Variants in CHN1 observed in about 807,000 individuals in gnomAD.
CHN1 encodes chimerin 1.
CHN1 carries 37 observed loss-of-function variants against 59.5 expected under a neutral mutation model. The observed-to-expected ratio is 0.62, with a 90% confidence interval of 0.48 to 0.82. The LOEUF (loss-of-function observed/expected upper bound fraction) is 0.82, where lower values mean the gene tolerates loss of function less well. Ranked by LOEUF, CHN1 falls within the 40% of genes least tolerant of loss-of-function variation. The pLI, the probability that CHN1 is intolerant of heterozygous loss-of-function variation, is 0.00. For missense variants in CHN1, 469 were observed against 571.0 expected, an observed-to-expected ratio of 0.82 and a Z score of 1.82; for synonymous variants, 206 against 200.4, an observed-to-expected ratio of 1.03 and a Z score of -0.24.
chr2:174,971,179 A>G (rs985208029), intron 1 of CHN1, among the ~76,000 whole-genome samples: 4 of 152,086 alleles, frequency 2.6e-5, no homozygotes, highest in African/African-American at 9.7e-5. Context: ...TAAGCCGAGC[A>G]TGGTGGTGGG....
chr2:174,820,962 C>G (rs892216672), intron 8 of CHN1, among the ~76,000 whole-genome samples: 2 of 152,116 alleles, frequency 1.3e-5, no homozygotes, highest in Admixed American at 1.3e-4. Flanking sequence ...GAAGGCAGAA[C>G]AAAGCAAGCT....
intron 5 of CHN1, among the ~76,000 whole-genome samples, chr2:174,914,360 G>A (rs1332663732): frequency 6.6e-6 from 1 of 152,180 alleles, no homozygotes; most frequent in Admixed American, 6.5e-5. Context: ...AGAGCCAAGA[G>A]CTCCCAAGAA....
intron 1 of CHN1, among the ~76,000 whole-genome samples, chr2:174,997,246 G>T (rs1005446339): frequency 2.0e-5 from 3 of 152,022 alleles, no homozygotes; most frequent in African/African-American, 7.2e-5. Flanking sequence ...TCACTTAACG[G>T]TATCATCCAT....
intron 1 of CHN1, among the ~76,000 whole-genome samples, chr2:174,969,115 C>A (rs1690678282): frequency 6.6e-6 from 1 of 152,136 alleles, no homozygotes; most frequent in Admixed American, 6.5e-5. Context: ...ACAAATCTGT[C>A]CCAAGGGTTT....
chr2:175,004,172 G>A (rs546118371), intron 1 of CHN1, among the ~76,000 whole-genome samples: 1 of 152,252 alleles, frequency 6.6e-6, no homozygotes, highest in Non-Finnish European at 1.5e-5. Flanking sequence ...TATCTTTTCA[G>A]TCCTTTTTCC....
chr2:174,897,224 A>G (rs1170275875), intron 5 of CHN1, among the ~76,000 whole-genome samples: 2 of 152,198 alleles, frequency 1.3e-5, no homozygotes, highest in East Asian at 3.8e-4. Flanking sequence ...TTCCTGAATT[A>G]AGCAATATCT....
At chr2:174,836,287 T>C (rs1343125425) in intron 7 of CHN1, among the ~76,000 whole-genome samples, 3 of 152,210 alleles carry the variant, frequency 2.0e-5, no homozygotes, top group African/African-American at 7.2e-5. Context: ...GTGGTTTTTA[T>C]ATACTTTTTC....
intron 7 of CHN1, among the ~76,000 whole-genome samples, chr2:174,845,968 A>T (rs925629713): frequency 6.6e-6 from 1 of 152,202 alleles, no homozygotes; most frequent in Admixed American, 6.5e-5. Flanking sequence ...TTTTGAAACC[A>T]AATTATTCCC....
chr2:174,859,288 T>C (rs1478779067), intron 6 of CHN1, among the ~76,000 whole-genome samples: 1 of 152,144 alleles, frequency 6.6e-6, no homozygotes, highest in East Asian at 1.9e-4. Context: ...TCTAGGAAGA[T>C]ATGTCATATT....
intron 5 of CHN1, among the ~76,000 whole-genome samples, chr2:174,884,836 G>A (rs908021817): frequency 6.6e-5 from 10 of 152,102 alleles, no homozygotes; most frequent in East Asian, 1.9e-4. Flanking sequence ...CTTAAGAATC[G>A]GTTATTAGTT....
At chr2:174,975,055 A>G (rs754746363) in intron 1 of CHN1, among the ~76,000 whole-genome samples, 2 of 152,196 alleles carry the variant, frequency 1.3e-5, no homozygotes, top group South Asian at 2.1e-4. Context: ...TTCTGAAAGC[A>G]TAAGAATTTC....
chr2:174,896,483 A>G (rs897644353), intron 5 of CHN1, among the ~76,000 whole-genome samples: 2 of 152,192 alleles, frequency 1.3e-5, no homozygotes, highest in Non-Finnish European at 2.9e-5. Context: ...TGGCTGGGAT[A>G]GAGAGGACAG....
intron 7 of CHN1, among the ~76,000 whole-genome samples, chr2:174,843,010 A>G (rs1250792594): frequency 1.3e-5 from 2 of 152,140 alleles, no homozygotes; most frequent in East Asian, 3.9e-4. Flanking sequence ...TCTACTCCCT[A>G]TAATTCTTAA....
intron 7 of CHN1, among the ~76,000 whole-genome samples, chr2:174,832,118 G>A (rs1484806689): frequency 6.6e-6 from 1 of 151,894 alleles, no homozygotes; most frequent in African/African-American, 2.4e-5. Flanking sequence ...TTTTTGACTT[G>A]GTTATAAAAG....
chr2:174,910,944 A>G (rs1007875674), intron 5 of CHN1, among the ~76,000 whole-genome samples: 1 of 150,430 alleles, frequency 6.6e-6, no homozygotes, highest in Non-Finnish European at 1.5e-5. Flanking sequence ...GATATCAAAT[A>G]TTTAAAAGAT....
rs529117222 is a variant in CHN1 at position 174,801,798 on chromosome 2, C to T, written c.1117G>A (p.Asp373Asn). 1.9e-6 allele frequency: 3 copies of T among 1,612,578 alleles called. No homozygotes were observed. The South Asian group carries it at 3.3e-5, about 18-fold the overall frequency. ...TCATGAAGGGTTTCCAATTGCTCAT[C>T]CGGATCCATAATTTCTAAAATAGCA... is the stretch of plus-strand genomic sequence containing the variant. ...FIESAKIMDPDEQLETLHEAL... is the reference protein window; with the variant it reads ...FIESAKIMDPNEQLETLHEAL... Residue 373 changes from aspartate (D) to asparagine (N), a missense_variant, in exon 12 of 13, where the codon GAT (aspartate) becomes AAT (asparagine). Around this residue, in one of 5 missense-constraint regions of CHN1, gnomAD observed 225 missense variants for 289.9 expected, o/e 0.78. Coordinates refer to ENST00000409900, the MANE Select transcript of CHN1 (RefSeq NM_001822.7).
At chr2:174,893,878 G>A (rs1688128496) in intron 5 of CHN1, among the ~76,000 whole-genome samples, 1 of 152,102 alleles carries the variant, frequency 6.6e-6, no homozygotes, top group Admixed American at 6.5e-5. Flanking sequence ...AACAGGAAAA[G>A]GATAGTCTCT....
intron 1 of CHN1, among the ~76,000 whole-genome samples, chr2:174,998,701 CAAG>C (rs1691791572): frequency 6.6e-6 from 1 of 152,140 alleles, no homozygotes; most frequent in African/African-American, 2.4e-5. Flanking sequence ...TGGCTCTTTC[CAAG>C]AAGTGCTTAC....
chr2:175,001,677 T>C (rs1332889719), intron 1 of CHN1, among the ~76,000 whole-genome samples: 4 of 152,174 alleles, frequency 2.6e-5, no homozygotes, highest in Non-Finnish European at 5.9e-5. Flanking sequence ...TTATTCAAGG[T>C]TCAGCCAGCC....
Sources: allele counts gnomAD v4.1 joint callset (sites outside exome capture counted in the v4.1 genomes callset), GRCh38; gene constraint gnomAD v4.1.1; regional missense constraint gnomAD v4.1.1; transcripts MANE v1.5; gene names NCBI Gene and HGNC (gene_info 2026-07-23, HGNC 2026-07-21).